The following CREB3L1 variants were observed in gnomAD, a reference collection of about 807,000 sequenced individuals.
CREB3L1 encodes the protein cAMP responsive element binding protein 3 like 1.
Under a neutral mutation model 54.5 loss-of-function variants are expected in CREB3L1, and 33 were observed. The ratio of observed to expected loss-of-function variants is 0.61; its 90% CI spans 0.46 to 0.81. The LOEUF (loss-of-function observed/expected upper bound fraction) is 0.81, where lower values mean the gene tolerates loss of function less well. Among genes scored for constraint, CREB3L1 ranks in the 30% least tolerant of loss-of-function variants. The pLI, the probability that CREB3L1 is intolerant of heterozygous loss-of-function variation, is 0.00. For synonymous variants in CREB3L1, 284 were observed against 286.4 expected, an observed-to-expected ratio of 0.99 and a Z score of 0.08; for missense variants, 656 against 673.3, an observed-to-expected ratio of 0.97 and a Z score of 0.29.
intron 8 of CREB3L1, 100 bp from the exon 9 acceptor site, chr11:46,316,186 C>G: frequency 1.4e-6 from 1 of 707,054 alleles, no homozygotes; most frequent in Non-Finnish European, 2.4e-6. Context: ...GGGCACCTGG[C>G]GTGGAGGCCA....
chr11:46,313,898 A>G lies in CREB3L1; in HGVS notation c.1031+979A>G, dbSNP rs554611647. ...TGTGACTCTGGAGAAATCGTTAAAT[A>G]TCTCTGGGCCCCTGTTTCTTCGTCT... On this transcript the variant is annotated intron_variant, in intron 8 of 11. Coordinates refer to ENST00000621158, the MANE Select transcript of CREB3L1 (RefSeq NM_052854.4). 4.6e-5 allele frequency among the ~76,000 whole-genome samples: 7 copies of G among 152,296 alleles called. No individual in the cohort carries two copies. In the South Asian group the frequency reaches 1.5e-3, roughly 32 times the overall value.
intron 2 of CREB3L1, among the ~76,000 whole-genome samples, chr11:46,302,168 A>AAATAATAATAATAAT (rs61146206): frequency 1.4e-4 from 19 of 135,626 alleles, no homozygotes; most frequent in Non-Finnish European, 9.4e-5. Flanking sequence ...GCTCCGTCTC[A>AAATAATAATAATAAT]AATAATAATA....
chr11:46,294,127 A>G (rs555441589), intron 1 of CREB3L1, among the ~76,000 whole-genome samples: 53 of 152,302 alleles, frequency 3.5e-4, no homozygotes, highest in Non-Finnish European at 6.9e-4. Flanking sequence ...GCATGTGCAC[A>G]TGCATGCGTG....
intron 1 of CREB3L1, among the ~76,000 whole-genome samples, chr11:46,280,660 C>T (rs542933767): frequency 2.0e-5 from 3 of 152,220 alleles, no homozygotes; most frequent in African/African-American, 4.8e-5. Flanking sequence ...ACTGGATGGG[C>T]GTGATAGTGA....
At chr11:46,311,391 T>A (rs1443554293) in intron 5 of CREB3L1, among the ~76,000 whole-genome samples, 3 of 152,222 alleles carry the variant, frequency 2.0e-5, no homozygotes, top group African/African-American at 7.2e-5. Context: ...TGGAGTGCAG[T>A]GGCTCAATCT....
Position 46,320,285 on chromosome 11 carries a change from T to G in CREB3L1, c.1280T>G (p.Phe427Cys). Reference sequence around the variant, plus strand: ...CCAGTGCCCTCCCGAAGCCTCCTATTCTACGATGACGGGGCAGGCTTATGG... The same window carrying G: ...CCAGTGCCCTCCCGAAGCCTCCTATGCTACGATGACGGGGCAGGCTTATGG... ...ASQMPSRSLL[F>C]YDDGAGLWED... Residue 427 changes from phenylalanine to cysteine, a missense_variant, in exon 11 of 12, where the codon TTC becomes TGC. This residue lies in a region of CREB3L1 where 240 missense variants were observed against 219.8 expected (regional missense o/e 1.09). Coordinates refer to ENST00000621158, the MANE Select transcript of CREB3L1 (RefSeq NM_052854.4). 6.2e-7 allele frequency: 1 copy of G among 1,610,778 alleles called. No homozygotes were observed. Among genetic ancestry groups the G allele is most frequent in the Non-Finnish European group, 8.5e-7 (1 of 1,178,444 alleles).
At chr11:46,313,866 C>T (rs908940454) in intron 8 of CREB3L1, among the ~76,000 whole-genome samples, 1 of 152,176 alleles carries the variant, frequency 6.6e-6, no homozygotes, top group Non-Finnish European at 1.5e-5. Context: ...CGCTGCTCTG[C>T]CATTTTTGTG....
rs1256746803 is a variant in CREB3L1, at chr11:46,317,471, C to A, written c.1242C>A (p.Val414=). ...AAGACCCCCTGGCCGCAGACGGCGT[C>A]TACACGGCCAGCCAGAGTGAGTGCC... is the stretch of plus-strand genomic sequence containing the variant. ...VKEDPLAADG[V]YTASQMPSRS... The change falls in exon 10 of 12, where the codon GTC becomes GTA. Residue 414 remains valine, a synonymous_variant. Coordinates refer to ENST00000621158, the MANE Select transcript of CREB3L1 (RefSeq NM_052854.4). The A allele has an allele frequency of 9.3e-6, 15 of 1,610,816 alleles. No homozygotes were observed. In the East Asian group the frequency reaches 3.3e-4, roughly 36 times the overall value.
intron 8 of CREB3L1, chr11:46,315,497 T>C (rs1270218503): frequency 5.4e-5 from 11 of 205,306 alleles, no homozygotes; most frequent in Non-Finnish European, 1.1e-4. Flanking sequence ...TGTGGAGATA[T>C]ATAAATAAAC....
At chr11:46,285,074 ACT>A (rs1462930836) in intron 1 of CREB3L1, among the ~76,000 whole-genome samples, 60 of 151,774 alleles carry the variant, frequency 4.0e-4, no homozygotes, top group Non-Finnish European at 1.5e-5. Context: ...TCCTCAGGAG[ACT>A]CTGTTTCTGT....
chr11:46,291,716 A>G (rs981808517), intron 1 of CREB3L1, among the ~76,000 whole-genome samples: 1 of 152,200 alleles, frequency 6.6e-6, no homozygotes. Context: ...CGGGTGGGTC[A>G]AGAGTCTTTG....
intron 1 of CREB3L1, among the ~76,000 whole-genome samples, chr11:46,283,553 G>T (rs1344230270): frequency 6.6e-6 from 1 of 152,112 alleles, no homozygotes; most frequent in East Asian, 1.9e-4. Context: ...TTAGACTGGG[G>T]CAATCCTTGT....
chr11:46,318,362 G>A (rs148304918), intron 10 of CREB3L1, among the ~76,000 whole-genome samples: 57 of 152,322 alleles, frequency 3.7e-4, no homozygotes, highest in African/African-American at 1.2e-3. Context: ...GATAGTAAAC[G>A]TACAGTGGTT....
At chr11:46,307,301 G>A (rs964476924) in intron 2 of CREB3L1, among the ~76,000 whole-genome samples, 2 of 152,126 alleles carry the variant, frequency 1.3e-5, no homozygotes, top group African/African-American at 2.4e-5. Flanking sequence ...TGTTTCCCAG[G>A]CTGGTCACGA....
At chr11:46,294,791 T>G (rs969844262) in intron 1 of CREB3L1, among the ~76,000 whole-genome samples, 5 of 151,612 alleles carry the variant, frequency 3.3e-5, no homozygotes, top group Non-Finnish European at 5.9e-5. Context: ...ATGGGGACAA[T>G]TTTCTAGTGA....
chr11:46,298,425 C>T (rs927707259), intron 1 of CREB3L1, among the ~76,000 whole-genome samples: 1 of 152,214 alleles, frequency 6.6e-6, no homozygotes, highest in Non-Finnish European at 1.5e-5. Context: ...TGGACAGGCA[C>T]GGTGGCCTAC....
chr11:46,307,969 G>T lies in CREB3L1; in HGVS notation c.485G>T (p.Ser162Ile). Residue 162 changes from serine to isoleucine, a missense_variant, in exon 3 of 12, where the codon AGC becomes ATC. Ser to Ile is a moderately radical substitution (Grantham distance 142). This residue lies in a region of CREB3L1 where 339 missense variants were observed against 331.5 expected (regional missense o/e 1.02). Transcript: ENST00000621158. Reference sequence around the variant, plus strand: ...GCCACCACCCCGCTGCTGGGCCTCAGCCCCTTGTCCAGGCTGCCCATCCCC... The same window carrying T: ...GCCACCACCCCGCTGCTGGGCCTCATCCCCTTGTCCAGGCTGCCCATCCCC... ...AMATTPLLGL[S>I]PLSRLPIPHQ... is the part of the protein sequence containing the mutation. 1 of 1,561,840 alleles carries T rather than the reference G, an allele frequency of 6.4e-7. No individual in the cohort carries two copies. The highest frequency in any genetic ancestry group is 1.9e-5 in the Admixed American group (1 of 51,732).
At position 46,278,155 on chromosome 11, in the gene CREB3L1, C is replaced by A. The variant is rs867477827; in HGVS notation, c.44C>A (p.Pro15His). 1 of 1,573,616 alleles carries A rather than the reference C, an allele frequency of 6.4e-7. No individual in the cohort carries two copies. Among genetic ancestry groups the A allele is most frequent in the East Asian group, 2.4e-5 (1 of 42,248 alleles). Residue 15 changes from proline (P) to histidine (H), a missense_variant, in exon 1 of 12, where the codon CCC (proline) becomes CAC (histidine). Pro to His is a moderately conservative substitution (Grantham distance 77, BLOSUM62 -2). Transcript: ENST00000621158. This position sits in a 1 kb window ranked among gnomAD's most constrained non-coding sequence, Gnocchi z 4.2. ...CCCTTCCCGGCCGACAGGCTGTTCC[C>A]CGGATCCAGCTTCCTGGACTTGGGG... ...LEPFPADRLF[P>H]GSSFLDLGDL...
chr11:46,312,847 AC>A lies in CREB3L1; in HGVS notation c.963-3del. 1 of 1,588,878 alleles carries A rather than the reference AC, an allele frequency of 6.3e-7. No individual in the cohort carries two copies. Among genetic ancestry groups the A allele is most frequent in the East Asian group, 2.3e-5 (1 of 43,676 alleles). ...CTGAGCCTGTGCCTGCTTGGCCCCTACAGGGTGGAGACATTTACATCTGAGA... is the reference window on the plus strand; with the variant it reads ...CTGAGCCTGTGCCTGCTTGGCCCCTAAGGGTGGAGACATTTACATCTGAGA... On this transcript the variant is annotated splice_polypyrimidine_tract_variant and splice_region_variant and intron_variant, in intron 7 of 11. Coordinates refer to ENST00000621158, the MANE Select transcript of CREB3L1 (RefSeq NM_052854.4).
Sources: allele counts gnomAD v4.1 joint callset (sites outside exome capture counted in the v4.1 genomes callset), GRCh38; gene constraint gnomAD v4.1.1; regional missense constraint gnomAD v4.1.1; non-coding constraint Gnocchi (gnomAD v3.1); transcripts MANE v1.5; gene names NCBI Gene and HGNC (gene_info 2026-07-23, HGNC 2026-07-21).